Variants in FLI1 observed in about 807,000 individuals in gnomAD.
The protein encoded by FLI1 is Fli-1 proto-oncogene, ETS transcription factor.
Under a neutral mutation model 53.1 loss-of-function variants are expected in FLI1, and 13 were observed. The observed-to-expected ratio is 0.24, with a 90% CI of 0.16 to 0.39. The LOEUF (loss-of-function observed/expected upper bound fraction) is 0.39. Among genes scored for constraint, FLI1 ranks in the 10% least tolerant of loss-of-function variants. The pLI, the probability that FLI1 is intolerant of heterozygous loss-of-function variation, is 1.00. For missense variants in FLI1, 424 were observed against 600.5 expected (o/e 0.71, Z 3.07); for synonymous variants, 244 against 236.7 (o/e 1.03, Z -0.28).
At chr11:128,739,903 T>C (rs1400426523) in intron 1 of FLI1, among the ~76,000 whole-genome samples, 1 of 152,166 alleles carries the variant, frequency 6.6e-6, no homozygotes, top group Non-Finnish European at 1.5e-5. Flanking sequence ...TAAGGCATTT[T>C]GACAGGATTT....
At chr11:128,741,265 C>T (rs646271) in intron 1 of FLI1, among the ~76,000 whole-genome samples, 9,477 of 152,102 alleles carry the variant, frequency 0.062, 423 homozygotes, top group South Asian at 0.15. Flanking sequence ...TGGTCATGGG[C>T]GCCTGTAATC....
In FLI1 at chr11:128,768,243, CCAA is replaced by C; in HGVS notation, c.358_360del (p.Asn120del). On this transcript the variant is annotated inframe_deletion, in exon 3 of 9. Transcript: ENST00000527786. ...GGCCCCCCTCCTCCCAACATGACCA[CCAA>C]CGAGAGGAGAGTCATCGTCCCCGCA... 6.2e-7 allele frequency: 1 copy of C among 1,613,956 alleles called. No homozygotes were observed. Among genetic ancestry groups the C allele is most frequent in the Non-Finnish European group, 8.5e-7 (1 of 1,179,892 alleles).
chr11:128,687,289 A>C (rs1416372914), intron 1 of FLI1, among the ~76,000 whole-genome samples: 1 of 151,778 alleles, frequency 6.6e-6, no homozygotes, highest in Admixed American at 6.6e-5. Context: ...TCTTTTCCAC[A>C]ACAGTTTCCA....
chr11:128,693,716 G>T (rs1481630732), upstream of FLI1: 3 of 233,296 alleles, frequency 1.3e-5, no homozygotes, highest in African/African-American at 4.4e-5. Flanking sequence ...GGGAATCAGG[G>T]CGCGGACGCT....
upstream of FLI1, among the ~76,000 whole-genome samples, chr11:128,690,001 A>C (rs980646065): frequency 6.6e-6 from 1 of 152,372 alleles, no homozygotes; most frequent in Admixed American, 6.5e-5. Context: ...AAGTCTGAGA[A>C]ACAAATTCAA....
rs138730658 is a variant in FLI1 at position 128,706,631 on chromosome 11, C to T, written c.18+12355C>T. ...CAAGTATTCATGCCCCCAAACACCA[C>T]GCTCTACAATGAGGGTGTTTTCTGG... On this transcript the variant is annotated intron_variant, in intron 1 of 8. Transcript: ENST00000527786. 5.3e-5 allele frequency among the ~76,000 whole-genome samples: 8 copies of T among 152,298 alleles called. No individual in the cohort carries two copies. The East Asian group carries it at 5.8e-4, about 11-fold the overall frequency.
At chr11:128,698,362 C>T (rs561410754) in intron 1 of FLI1, among the ~76,000 whole-genome samples, 4 of 152,326 alleles carry the variant, frequency 2.6e-5, no homozygotes, top group African/African-American at 9.6e-5. Context: ...GAATTGCTCC[C>T]CTCAGGTGGT....
At chr11:128,718,393 C>T (rs1441017974) in intron 1 of FLI1, among the ~76,000 whole-genome samples, 1 of 152,168 alleles carries the variant, frequency 6.6e-6, no homozygotes, top group Non-Finnish European at 1.5e-5. Context: ...TCCAAAGTGC[C>T]TCAAGCTATG....
At chr11:128,686,808 G>A in intron 1 of FLI1, 1 of 259,334 alleles carries the variant, frequency 3.9e-6, no homozygotes, top group Non-Finnish European at 7.9e-6. Context: ...AGGGGTGGAA[G>A]TGGGCCCTAC....
At position 128,811,309 on chromosome 11, in the gene FLI1, T is replaced by C. The variant is rs74630747; in HGVS notation, c.*321T>C. 2,461 of 413,336 alleles carry C rather than the reference T, an allele frequency of 6.0e-3. 50 individuals carry two copies. The highest frequency in any genetic ancestry group is 0.044 in the African/African-American group (2,186 of 49,656). The allele number at this position is 413,336 out of a possible 1,614,324, so 25.6% of individuals were successfully genotyped here. On this transcript the variant is annotated 3_prime_UTR_variant, in exon 9 of 9. Coordinates refer to ENST00000527786, the MANE Select transcript of FLI1 (RefSeq NM_002017.5). ...GGTTCTGAGAAAGAAGCTGTACGTT[T>C]TCTTTATGTTTTTATGACCAAAGCA... is the stretch of plus-strand genomic sequence containing the variant.
At chr11:128,688,037 T>A (rs1937609510) in intron 1 of FLI1, among the ~76,000 whole-genome samples, 1 of 152,182 alleles carries the variant, frequency 6.6e-6, no homozygotes. Context: ...GGAAGAGTAC[T>A]CGGGTACTCC....
chr11:128,782,732 A>T (rs7947404), intron 5 of FLI1, among the ~76,000 whole-genome samples: 1 of 152,068 alleles, frequency 6.6e-6, no homozygotes, highest in Non-Finnish European at 1.5e-5. Flanking sequence ...TCATTTTTAA[A>T]GTGGTGGCTT....
intron 6 of FLI1, chr11:128,805,663 A>G (rs1942763027): frequency 2.1e-6 from 1 of 483,856 alleles, no homozygotes; most frequent in South Asian, 3.1e-5. Flanking sequence ...GTTTTAGAAC[A>G]TGGGAAATTT....
chr11:128,686,274 C>T (rs1865800920), upstream of FLI1: 1 of 453,014 alleles, frequency 2.2e-6, no homozygotes, highest in Admixed American at 2.4e-5. Context: ...AGAACTAGAA[C>T]ATCCTGGTTT....
intron 1 of FLI1, among the ~76,000 whole-genome samples, chr11:128,699,120 T>G (rs1938213677): frequency 6.6e-6 from 1 of 152,226 alleles, no homozygotes; most frequent in African/African-American, 2.4e-5. Context: ...GAAGGCATCT[T>G]ATGGATCCAT....
intron 2 of FLI1, chr11:128,764,713 C>T (rs766787641): frequency 8.6e-5 from 133 of 1,555,324 alleles, no homozygotes; most frequent in Middle Eastern, 1.7e-4. Flanking sequence ...CCACCCTGAG[C>T]GGCAGCCGTG....
chr11:128,781,211 A>G (rs748054378), intron 4 of FLI1, among the ~76,000 whole-genome samples: 2 of 152,190 alleles, frequency 1.3e-5, no homozygotes, highest in Non-Finnish European at 2.9e-5. Flanking sequence ...AAAAGTTCCT[A>G]TTGGAATACT....
At chr11:128,800,608 G>A (rs139620398) in intron 5 of FLI1, among the ~76,000 whole-genome samples, 19 of 151,056 alleles carry the variant, frequency 1.3e-4, no homozygotes, top group East Asian at 4.0e-4. Context: ...AACAGCTTTC[G>A]CCTTCCAACA....
intron 1 of FLI1, among the ~76,000 whole-genome samples, chr11:128,751,124 C>T (rs192832120): frequency 6.6e-6 from 1 of 152,306 alleles, no homozygotes; most frequent in Non-Finnish European, 1.5e-5. Context: ...GAAGAGTGGA[C>T]ACGCAGATTA....
Sources: gnomAD v4.1 joint callset for allele counts (sites outside exome capture counted in the v4.1 genomes callset) on GRCh38, gnomAD v4.1.1 for gene constraint, MANE v1.5 for transcripts, NCBI Gene and HGNC (gene_info 2026-07-23, HGNC 2026-07-21) for gene names.